The following NUP188 variants were observed in gnomAD, a reference collection of about 807,000 sequenced individuals.
The protein encoded by NUP188 is nucleoporin 188, also known as nucleoporin NUP188.
Under a neutral mutation model 223.0 loss-of-function variants are expected in NUP188, and 97 were observed. That is an observed-to-expected ratio of 0.43 (90% CI 0.37 to 0.51). NUP188 has a LOEUF of 0.51. NUP188 is among the 20% of genes least tolerant of loss of function. The pLI is 0.00. For synonymous variants in NUP188, 869 were observed against 828.0 expected (o/e 1.05, Z -0.85); for missense variants, 1,947 against 2,175.6 (o/e 0.89, Z 2.09).
intron 30 of NUP188, 84 bp from the exon 31 acceptor site, chr9:128,998,066 AT>A: frequency 1.1e-6 from 1 of 915,320 alleles, no homozygotes; most frequent in East Asian, 2.4e-5. Flanking sequence ...CCAATGACTA[AT>A]TGCCTAGCAG....
At chr9:128,955,193 T>A (rs1375947099) in intron 3 of NUP188, among the ~76,000 whole-genome samples, 1 of 152,132 alleles carries the variant, frequency 6.6e-6, no homozygotes, top group Non-Finnish European at 1.5e-5. Flanking sequence ...GTACATGCTG[T>A]CCACATGAAA....
chr9:129,001,769 T>C lies in NUP188; in HGVS notation c.4044+40T>C, dbSNP rs375248393. On this transcript the variant is annotated intron_variant, in intron 35 of 43. Coordinates refer to ENST00000372577, the MANE Select transcript of NUP188 (RefSeq NM_015354.3). Reference sequence around the variant, plus strand: ...CGAAGGCAGGAGGGAGCGTCCTTGCTTGCCTGGGTGGGTTCTGACAATCCC... The same window carrying C: ...CGAAGGCAGGAGGGAGCGTCCTTGCCTGCCTGGGTGGGTTCTGACAATCCC... 8.7e-5 allele frequency: 139 copies of C among 1,606,756 alleles called. No individual in the cohort carries two copies. The African/African-American group carries it at 1.6e-3, about 19-fold the overall frequency.
chr9:128,998,290 A>G lies in NUP188; in HGVS notation c.3429+62A>G, dbSNP rs549998825. 3.0e-5 allele frequency: 42 copies of G among 1,400,960 alleles called. No individual in the cohort carries two copies. The South Asian group carries it at 4.6e-4, about 15-fold the overall frequency. The allele number at this position is 1,400,960 out of a possible 1,614,324, so 86.8% of individuals were successfully genotyped here. On this transcript the variant is annotated intron_variant, in intron 31 of 43. Coordinates refer to ENST00000372577, the MANE Select transcript of NUP188 (RefSeq NM_015354.3). ...GAGGTTGTCTTTGAAGTCAAATAGC[A>G]GAGGTCATGAGTCTGCCAGCCAGCC...
Position 129,006,864 on chromosome 9 carries a change from G to A in NUP188, c.*186G>A. ...TTTATACTAGATGAAGAGGTCAACA[G>A]CAGGCATGGGGAGCCGAGTCTTCTG... On this transcript the variant is annotated 3_prime_UTR_variant, in exon 44 of 44. Transcript: ENST00000372577. 3.6e-6 allele frequency: 2 copies of A among 554,106 alleles called. No individual in the cohort carries two copies. Among genetic ancestry groups the A allele is most frequent in the South Asian group, 2.9e-5 (1 of 34,662 alleles). 34.3% of individuals were successfully genotyped at this position (554,106 alleles called of 1,614,324 possible).
At position 128,987,086 on chromosome 9, in the gene NUP188, AGAGTGTGTGT is replaced by A. The variant is rs1161230726; in HGVS notation, c.2264+213_2264+222del. Among the ~76,000 whole-genome samples the A allele has an allele frequency of 3.7e-4, 47 of 128,500 alleles. 1 individual carries two copies. Among genetic ancestry groups the A allele is most frequent in the African/African-American group, 8.1e-4 (25 of 30,796 alleles). The allele number at this position is 128,500 out of a possible 152,430, so 84.3% of individuals were successfully genotyped here. The stretch of plus-strand genomic sequence containing the variant: ...GAATGAGAGAGAGAGAGAGAGAGAG[AGAGTGTGTGT>A]GTGTGTGTGTGTGTGTGTGTGTGTG... On this transcript the variant is annotated intron_variant, in intron 22 of 43. Transcript: ENST00000372577.
Position 128,983,369 on chromosome 9 carries a change from A to G in NUP188, c.1873A>G (p.Asn625Asp). Residue 625 changes from asparagine to aspartate, a missense_variant, in exon 18 of 44, where the codon AAT becomes GAT. Transcript: ENST00000372577. ...CTGCTTAACTGTTTTGGCTGCCCGCAATCCAGCAAAGGTGAGATGCCAGAT... is the reference window on the plus strand; with the variant it reads ...CTGCTTAACTGTTTTGGCTGCCCGCGATCCAGCAAAGGTGAGATGCCAGAT... ...VNCLTVLAARNPAKVWTDLRH... is the reference protein window; with the variant it reads ...VNCLTVLAARDPAKVWTDLRH... 1 of 1,614,204 alleles carries G rather than the reference A, an allele frequency of 6.2e-7. No homozygotes were observed. Among genetic ancestry groups the G allele is most frequent in the Non-Finnish European group, 8.5e-7 (1 of 1,180,026 alleles).
At chr9:128,962,649 G>T (rs1841971963) in intron 8 of NUP188, among the ~76,000 whole-genome samples, 1 of 152,006 alleles carries the variant, frequency 6.6e-6, no homozygotes, top group African/African-American at 2.4e-5. Context: ...CACAGAGCGA[G>T]ACTCTGTCTC....
chr9:128,969,236 T>C (rs17485492), intron 9 of NUP188, among the ~76,000 whole-genome samples, 164 bp from the exon 10 acceptor site: 5,026 of 152,260 alleles, frequency 0.033, 278 homozygotes, highest in African/African-American at 0.11. Context: ...TGGCCTCAAG[T>C]GATCCTCCCA....
In NUP188 at chr9:128,999,899, C is replaced by T. The variant is rs868755431; in HGVS notation, c.3843+94C>T. On this transcript the variant is annotated intron_variant, in intron 34 of 43. Transcript: ENST00000372577. ...ATAAGTAGTGATCAAGACAGATAGT[C>T]GCTGCACTTCTGGAGTTCACGGCCT... is the stretch of plus-strand genomic sequence containing the variant. The T allele has an allele frequency of 3.8e-5, 46 of 1,212,356 alleles. No homozygotes were observed. In the Middle Eastern group the frequency reaches 7.7e-4, roughly 20 times the overall value. The allele number at this position is 1,212,356 out of a possible 1,614,324, so 75.1% of individuals were successfully genotyped here.
In NUP188 at chr9:129,003,011, C is replaced by G. The variant is rs189165035; in HGVS notation, c.4296+36C>G. On this transcript the variant is annotated intron_variant, in intron 37 of 43. Coordinates refer to ENST00000372577, the MANE Select transcript of NUP188 (RefSeq NM_015354.3). ...GCCTGCATTGCAGGGGTGGGAGTTT[C>G]AGGGTAAAAAAGGTACTGGGCCATT... 130 of 1,607,728 alleles carry G rather than the reference C, an allele frequency of 8.1e-5. No individual in the cohort carries two copies. In the African/African-American group the frequency reaches 1.5e-3, roughly 19 times the overall value.
At position 128,949,216 on chromosome 9, in the gene NUP188, G is replaced by C; in HGVS notation, c.60G>C (p.Leu20=). 13 of 1,613,448 alleles carry C rather than the reference G, an allele frequency of 8.1e-6. No individual in the cohort carries two copies. The highest frequency in any genetic ancestry group is 1.1e-5 in the Non-Finnish European group (13 of 1,179,520). ...VRSSRELWTI[L]LGRSALRELS... The stretch of plus-strand genomic sequence containing the variant: ...GCAGTAGAGAACTGTGGACTATTCT[G>C]CTTGGAAGGTCAGCTCTGAGAGAGC... The change falls in exon 2 of 44, where the codon CTG becomes CTC. Residue 20 remains leucine (L), a synonymous_variant. Transcript: ENST00000372577.
At chr9:129,000,334 T>G (rs1342700576) in intron 34 of NUP188, among the ~76,000 whole-genome samples, 1 of 152,164 alleles carries the variant, frequency 6.6e-6, no homozygotes, top group Non-Finnish European at 1.5e-5. Flanking sequence ...TAGCACATTT[T>G]GTTACAACCA....
At chr9:128,958,143 C>G (rs1252555367) in intron 6 of NUP188, 89 bp downstream of exon 6, 1 of 1,030,950 alleles carries the variant, frequency 9.7e-7, no homozygotes. Flanking sequence ...TGGCTTTTGA[C>G]TCTTTGTTGG....
chr9:128,980,482 G>T, intron 13 of NUP188, 124 bp from the exon 14 acceptor site: 3 of 904,970 alleles, frequency 3.3e-6, no homozygotes, highest in Non-Finnish European at 3.3e-6. Context: ...AATTATTAAG[G>T]AGGGATGATA....
chr9:128,958,029 G>GACAGTACT lies in NUP188; in HGVS notation c.347_348insACAGTACT (p.Ser118TyrfsTer7). On this transcript the variant is annotated frameshift_variant, in exon 6 of 44. Coordinates refer to ENST00000372577, the MANE Select transcript of NUP188 (RefSeq NM_015354.3). LOFTEE classifies it high-confidence loss of function. ...TTTCAGACAGTACTGCAAGATGAGAGGCAGAGCCAGGCCTTAATCCTGAAG... is the reference window on the plus strand; with the variant it reads ...TTTCAGACAGTACTGCAAGATGAGAGACAGTACTGCAGAGCCAGGCCTTAATCCTGAAG... The GACAGTACT allele has an allele frequency of 6.2e-7, 1 of 1,613,182 alleles. No individual in the cohort carries two copies. The highest frequency in any genetic ancestry group is 8.5e-7 in the Non-Finnish European group (1 of 1,179,502).
At chr9:128,958,942 A>G in intron 7 of NUP188, 48 bp downstream of exon 7, 2 of 1,413,084 alleles carry the variant, frequency 1.4e-6, no homozygotes, top group Non-Finnish European at 1.9e-6. Flanking sequence ...TATCATCTTA[A>G]TAATTTTATT....
In NUP188 at chr9:128,986,945, C is replaced by A. The variant is rs145921973; in HGVS notation, c.2264+70C>A. ...GACACGGGCTTTTGCTGTGCAAAGC[C>A]GTCTCAGTTCTTCCAGAGAATTTAC... On this transcript the variant is annotated intron_variant, in intron 22 of 43. Coordinates refer to ENST00000372577, the MANE Select transcript of NUP188 (RefSeq NM_015354.3). 6.6e-6 allele frequency: 9 copies of A among 1,365,782 alleles called. No individual in the cohort carries two copies. The African/African-American group carries it at 8.7e-5, about 13-fold the overall frequency. 84.6% of individuals were successfully genotyped at this position (1,365,782 alleles called of 1,614,324 possible).
intron 3 of NUP188, among the ~76,000 whole-genome samples, chr9:128,955,755 G>T (rs1841859972): frequency 6.6e-6 from 1 of 151,032 alleles, no homozygotes; most frequent in Non-Finnish European, 1.5e-5. Flanking sequence ...TCCTTGCCCT[G>T]ACTCTAGAAT....
rs562934979 is a variant in NUP188, at chr9:128,998,013, C to T, written c.3352-138C>T. The T allele has an allele frequency of 4.8e-4, 329 of 691,326 alleles. 4 individuals carry two copies. The highest frequency in any genetic ancestry group is 2.4e-3 in the Middle Eastern group (9 of 3,776). The allele number at this position is 691,326 out of a possible 1,614,324, so 42.8% of individuals were successfully genotyped here. On this transcript the variant is annotated intron_variant, in intron 30 of 43. Coordinates refer to ENST00000372577, the MANE Select transcript of NUP188 (RefSeq NM_015354.3). ...GGATTACAGGCATGAGCCACCACGC[C>T]CGGCCTATATAAGCCCTATTTTAAA...
Sources: allele counts gnomAD v4.1 joint callset (sites outside exome capture counted in the v4.1 genomes callset), GRCh38; gene constraint gnomAD v4.1.1; transcripts MANE v1.5; gene names NCBI Gene and HGNC (gene_info 2026-07-23, HGNC 2026-07-21).